The following PRKDC variants were observed in gnomAD, a reference collection of about 807,000 sequenced individuals.
The protein encoded by PRKDC is protein kinase, DNA-activated, catalytic subunit, also known as DNA-dependent protein kinase catalytic subunit.
Under a neutral mutation model 486.9 loss-of-function variants are expected in PRKDC, and 82 were observed. The observed-to-expected ratio is 0.17, with a 90% confidence interval of 0.14 to 0.20. The LOEUF is 0.20. PRKDC is among the 10% of genes least tolerant of loss of function. The pLI is 1.00. For missense variants in PRKDC, 4,504 were observed against 5,038.2 expected, an observed-to-expected ratio of 0.89 and a Z score of 3.21; for synonymous variants, 1,895 against 1,837.0, an observed-to-expected ratio of 1.03 and a Z score of -0.81.
At chr8:47,907,593 G>A (rs181441365) in intron 25 of PRKDC, among the ~76,000 whole-genome samples, 3 of 142,348 alleles carry the variant, frequency 2.1e-5, no homozygotes, top group Non-Finnish European at 3.0e-5. Flanking sequence ...AGAGCGCAGT[G>A]GTGAAATCTG....
chr8:47,902,888 T>C, intron 26 of PRKDC, 93 bp from the exon 27 acceptor site: 2 of 915,778 alleles, frequency 2.2e-6, no homozygotes, highest in Non-Finnish European at 3.0e-6. Context: ...AACTAAAGTA[T>C]GTTAAAAATT....
intron 21 of PRKDC, among the ~76,000 whole-genome samples, chr8:47,920,741 T>C (rs1283066087): frequency 6.6e-6 from 1 of 152,232 alleles, no homozygotes; most frequent in African/African-American, 2.4e-5. Context: ...TTGTGTTTGT[T>C]TTCCCTATAG....
rs1202040459 is a variant in PRKDC, at chr8:47,855,203, C to G, written c.6761+19G>C. ...TAACCTAAATTTCTAAACAATACTG[C>G]AAAAACCAGTAAACATACCTATAAG... On this transcript the variant is annotated intron_variant, in intron 50 of 85. Transcript: ENST00000314191. 1.3e-6 allele frequency: 2 copies of G among 1,564,428 alleles called. No homozygotes were observed. Among genetic ancestry groups the G allele is most frequent in the African/African-American group, 1.4e-5 (1 of 73,404 alleles).
chr8:47,954,003 A>G, intron 5 of PRKDC, 84 bp from the exon 6 acceptor site: 1 of 765,138 alleles, frequency 1.3e-6, no homozygotes, highest in Non-Finnish European at 2.0e-6. Flanking sequence ...AGAAAATAAA[A>G]TAAAATAAAG....
chr8:47,913,651 C>T (rs551456252), intron 24 of PRKDC, among the ~76,000 whole-genome samples: 19 of 152,310 alleles, frequency 1.2e-4, no homozygotes, highest in African/African-American at 4.6e-4. Flanking sequence ...CCTCGGCCTC[C>T]CAAAGTGCTG....
chr8:47,927,753 G>A lies in PRKDC; in HGVS notation c.2259+18C>T, dbSNP rs1378901074. On this transcript the variant is annotated intron_variant, in intron 20 of 85. Transcript: ENST00000314191. The stretch of plus-strand genomic sequence containing the variant: ...ACAACAGCGATGAAGAGATGGCTCT[G>A]TTCAAGACAACGCCTACCTGCAGTG... The A allele has an allele frequency of 8.0e-6, 12 of 1,503,366 alleles. No homozygotes were observed. Among genetic ancestry groups the A allele is most frequent in the Non-Finnish European group, 8.8e-6 (10 of 1,130,762 alleles). 93.1% of individuals were successfully genotyped at this position (1,503,366 alleles called of 1,614,324 possible).
chr8:47,915,250 A>C, intron 23 of PRKDC, 78 bp downstream of exon 23: 1 of 772,272 alleles, frequency 1.3e-6, no homozygotes, highest in Non-Finnish European at 2.0e-6. Context: ...AAATATTCAG[A>C]ATATATTATG....
chr8:47,780,808 C>T (rs2086686647), intron 80 of PRKDC, among the ~76,000 whole-genome samples: 1 of 152,014 alleles, frequency 6.6e-6, no homozygotes, highest in Admixed American at 6.6e-5. Flanking sequence ...CATGGTGGTG[C>T]ACGCCTGTAA....
intron 10 of PRKDC, among the ~76,000 whole-genome samples, chr8:47,940,772 C>T (rs1270345593): frequency 6.6e-6 from 1 of 152,078 alleles, no homozygotes; most frequent in African/African-American, 2.4e-5. Flanking sequence ...AATAATTATT[C>T]AACAGTAGCA....
intron 68 of PRKDC, among the ~76,000 whole-genome samples, chr8:47,816,820 T>A (rs866287006): frequency 1.4e-4 from 19 of 140,240 alleles, no homozygotes; most frequent in East Asian, 4.0e-4. Context: ...ATAAAAAGTT[T>A]AAAAAAAAAA....
At chr8:47,854,048 G>C in intron 51 of PRKDC, 35 bp downstream of exon 51, 1 of 1,610,510 alleles carries the variant, frequency 6.2e-7, no homozygotes, top group Non-Finnish European at 8.5e-7. Context: ...AGTTTGGGTA[G>C]ACGTGACCTA....
intron 55 of PRKDC, among the ~76,000 whole-genome samples, chr8:47,839,458 G>A (rs981587574): frequency 3.3e-5 from 5 of 152,176 alleles, no homozygotes; most frequent in Non-Finnish European, 5.9e-5. Flanking sequence ...TGGAACAGGA[G>A]GATGGGCCCA....
At chr8:47,796,725 G>A (rs1353941416) in intron 73 of PRKDC, among the ~76,000 whole-genome samples, 2 of 151,556 alleles carry the variant, frequency 1.3e-5, no homozygotes, top group Non-Finnish European at 2.9e-5. Context: ...TCAGCCTCCC[G>A]AGTAGCTGGG....
chr8:47,934,195 C>T (rs1441401688), intron 14 of PRKDC, 105 bp from the exon 15 acceptor site: 4 of 1,256,660 alleles, frequency 3.2e-6, no homozygotes, highest in Admixed American at 4.8e-5. Context: ...AACTGCCACC[C>T]ATAGGAGACC....
intron 38 of PRKDC, among the ~76,000 whole-genome samples, chr8:47,880,772 G>C (rs2089196185): frequency 6.6e-6 from 1 of 152,094 alleles, no homozygotes; most frequent in Admixed American, 6.5e-5. Flanking sequence ...AAATGTTCTA[G>C]GCCGGGTGTG....
intron 39 of PRKDC, among the ~76,000 whole-genome samples, chr8:47,879,268 T>C (rs569745434): frequency 2.6e-5 from 4 of 152,290 alleles, no homozygotes; most frequent in African/African-American, 4.8e-5. Context: ...CATAAATAAA[T>C]GGGACATGGT....
chr8:47,780,050 G>A (rs1390329463), intron 80 of PRKDC, among the ~76,000 whole-genome samples: 1 of 151,256 alleles, frequency 6.6e-6, no homozygotes, highest in African/African-American at 2.4e-5. Context: ...AAGTGGCTGG[G>A]ATTACAGGCG....
chr8:47,780,805 G>A (rs1303145342), intron 80 of PRKDC, among the ~76,000 whole-genome samples: 1 of 152,064 alleles, frequency 6.6e-6, no homozygotes, highest in East Asian at 1.9e-4. Flanking sequence ...GGGCATGGTG[G>A]TGCACGCCTG....
intron 54 of PRKDC, among the ~76,000 whole-genome samples, chr8:47,847,249 GAT>G (rs2088288819): frequency 1.3e-5 from 2 of 152,016 alleles, no homozygotes. Context: ...ATACTACAGG[GAT>G]ACAATAATCA....
Sources: gnomAD v4.1 joint callset for allele counts (sites outside exome capture counted in the v4.1 genomes callset) on GRCh38, gnomAD v4.1.1 for gene constraint, MANE v1.5 for transcripts, NCBI Gene and HGNC (gene_info 2026-07-23, HGNC 2026-07-21) for gene names.